LOC400499: variants seen among roughly 807,000 people sequenced by gnomAD.
chr16:11,375,174 T>G, the LOC400499 span, among the ~76,000 whole-genome samples: 7 of 136,612 alleles, frequency 5.1e-5, no homozygotes, highest in Admixed American at 2.2e-4. Flanking sequence ...AATTGCCATA[T>G]TGTCTTCCAT....
At chr16:11,373,651 GCT>G in the LOC400499 span, among the ~76,000 whole-genome samples, 344 of 152,012 alleles carry the variant, frequency 2.3e-3, 2 homozygotes, top group African/African-American at 7.8e-3. Flanking sequence ...ATGGAGTCTT[GCT>G]CTGTCGCCCA....
chr16:11,517,015 A>C, the LOC400499 span, among the ~76,000 whole-genome samples: 3 of 152,108 alleles, frequency 2.0e-5, no homozygotes, highest in Admixed American at 2.0e-4. Flanking sequence ...GCTTTCTCTG[A>C]ACTCCCCTCT....
At chr16:11,506,006 C>A in the LOC400499 span, among the ~76,000 whole-genome samples, 1 of 152,012 alleles carries the variant, frequency 6.6e-6, no homozygotes, top group African/African-American at 2.4e-5. Context: ...ACCCATTAGT[C>A]AGCTATGCTA....
the LOC400499 span, chr16:11,515,936 C>G: frequency 5.2e-6 from 2 of 381,956 alleles, no homozygotes; most frequent in African/African-American, 4.5e-5. Flanking sequence ...TACAGCCACT[C>G]CAGGCAGGGC....
chr16:11,459,671 G>A, the LOC400499 span, among the ~76,000 whole-genome samples: 1 of 152,188 alleles, frequency 6.6e-6, no homozygotes. Context: ...GGAAATCTAT[G>A]TTTCCCAAGC....
chr16:11,469,455 G>A, the LOC400499 span: 9 of 398,904 alleles, frequency 2.3e-5, no homozygotes, highest in African/African-American at 4.1e-5. Flanking sequence ...GCCCTGCCCC[G>A]GGTGTGGCAC....
chr16:11,512,318 GC>G, the LOC400499 span, among the ~76,000 whole-genome samples: 1 of 151,600 alleles, frequency 6.6e-6, no homozygotes, highest in Non-Finnish European at 1.5e-5. Context: ...TAATAAAGGG[GC>G]CTGGCACGGT....
the LOC400499 span, chr16:11,396,412 G>A: frequency 1.8e-6 from 2 of 1,142,480 alleles, no homozygotes; most frequent in East Asian, 3.2e-5. Context: ...CTAGATGGCG[G>A]GGCCGCCCAG....
the LOC400499 span, among the ~76,000 whole-genome samples, chr16:11,420,675 A>G: frequency 6.5e-5 from 9 of 137,870 alleles, no homozygotes; most frequent in African/African-American, 2.1e-4. Context: ...GGAGCTACCC[A>G]GGCATGAAGG....
chr16:11,436,232 T>C, the LOC400499 span, among the ~76,000 whole-genome samples: 1 of 151,948 alleles, frequency 6.6e-6, no homozygotes, highest in Non-Finnish European at 1.5e-5. Flanking sequence ...AGGGGGCTGG[T>C]GGGGGAAGCA....
chr16:11,414,284 A>G, the LOC400499 span: 3 of 399,246 alleles, frequency 7.5e-6, no homozygotes, highest in Non-Finnish European at 1.3e-5. Flanking sequence ...TCTGCACACC[A>G]GGAATTGGAC....
chr16:11,440,060 G>A, the LOC400499 span, among the ~76,000 whole-genome samples: 7 of 152,000 alleles, frequency 4.6e-5, no homozygotes, highest in African/African-American at 1.7e-4. Context: ...AATTGAACTT[G>A]AACTTATATA....
the LOC400499 span, chr16:11,456,730 G>A: frequency 8.5e-7 from 1 of 1,175,042 alleles, no homozygotes; most frequent in Non-Finnish European, 1.2e-6. Context: ...GCCTGGCCCA[G>A]TTTGAGTCTT....
At chr16:11,420,963 G>C in the LOC400499 span, among the ~76,000 whole-genome samples, 1 of 152,200 alleles carries the variant, frequency 6.6e-6, no homozygotes, top group Non-Finnish European at 1.5e-5. Flanking sequence ...TGACAGCACA[G>C]GGCCCAGGGC....
the LOC400499 span, among the ~76,000 whole-genome samples, chr16:11,495,326 G>A: frequency 1.3e-5 from 2 of 151,988 alleles, no homozygotes; most frequent in South Asian, 2.1e-4. Context: ...ACAGGAGGGG[G>A]TTCAGGACAC....
the LOC400499 span, chr16:11,390,062 G>A: frequency 8.4e-7 from 1 of 1,186,422 alleles, no homozygotes; most frequent in East Asian, 3.2e-5. Flanking sequence ...CACCTGGTAT[G>A]TGGCAGGCAC....
the LOC400499 span, chr16:11,471,317 T>G: frequency 0.4 from 72,000 of 180,098 alleles, 16,417 homozygotes; most frequent in South Asian, 0.54. Context: ...CTTATCCAAG[T>G]AGCTTCACTA....
At chr16:11,401,719 T>G in the LOC400499 span, among the ~76,000 whole-genome samples, 1 of 152,146 alleles carries the variant, frequency 6.6e-6, no homozygotes, top group East Asian at 1.9e-4. Context: ...TGCTTCAATT[T>G]CGTCATCTGA....
At chr16:11,501,958 G>T in the LOC400499 span, 1 of 395,454 alleles carries the variant, frequency 2.5e-6, no homozygotes. Context: ...TCAAGGGGAC[G>T]GGATGACGCA....
Sources: gnomAD v4.1 joint callset for allele counts (sites outside exome capture counted in the v4.1 genomes callset) on GRCh38, gnomAD v4.1.1 for gene constraint, MANE v1.5 for transcripts.